The following ZFC3H1 variants were observed in gnomAD, a reference collection of about 807,000 sequenced individuals.
ZFC3H1 encodes zinc finger C3H1-type containing, also known as zinc finger C3H1 domain-containing protein.
ZFC3H1 carries 71 observed loss-of-function variants against 243.7 expected under a neutral mutation model. That is an observed-to-expected ratio of 0.29 (90% CI 0.24 to 0.36). The LOEUF is 0.36. Among genes scored for constraint, ZFC3H1 ranks in the 10% least tolerant of loss-of-function variants. The pLI is 1.00. For synonymous variants in ZFC3H1, 838 were observed against 813.0 expected (o/e 1.03, Z -0.52); for missense variants, 1,966 against 2,317.1 (o/e 0.85, Z 3.11).
Position 71,633,011 on chromosome 12 carries a change from T to C in ZFC3H1, c.2692A>G (p.Arg898Gly). ...TTAATTGTAACACGCTGTTGAACTC[T>C]GTGAATCTGAAAAATATAGAATAAT... ...FLKKLQEQIH[R>G]VQQRVTIKKA... Residue 898 changes from arginine to glycine, a missense_variant, in exon 14 of 35, where the codon AGA becomes GGA. Around this residue, in one of 4 missense-constraint regions of ZFC3H1, gnomAD observed 1,383 missense variants for 1,723.7 expected, o/e 0.80. Coordinates refer to ENST00000378743, the MANE Select transcript of ZFC3H1 (RefSeq NM_144982.5). The C allele has an allele frequency of 6.3e-7, 1 of 1,594,018 alleles. No homozygotes were observed. Among genetic ancestry groups the C allele is most frequent in the Non-Finnish European group, 8.5e-7 (1 of 1,174,840 alleles).
chr12:71,625,892 T>G (rs934612604), intron 22 of ZFC3H1, among the ~76,000 whole-genome samples: 1 of 152,216 alleles, frequency 6.6e-6, no homozygotes, highest in African/African-American at 2.4e-5. Flanking sequence ...AGAGGCAATT[T>G]AAGATAAATT....
Position 71,656,913 on chromosome 12 carries a change from C to T in ZFC3H1, c.987G>A (p.Leu329=), listed in dbSNP as rs754511435. The change falls in exon 2 of 35, where the codon CTG becomes CTA. Residue 329 remains leucine (L), a synonymous_variant. Transcript: ENST00000378743. ...KVKDGAKPLS[L]KSDTTDSSQG... ...GACTAGAATCAGTAGTGTCGGATTT[C>T]AGGGAAAGTGGTTTTGCTCCATCTT... 1 of 1,612,602 alleles carries T rather than the reference C, an allele frequency of 6.2e-7. No individual in the cohort carries two copies. The highest frequency in any genetic ancestry group is 8.5e-7 in the Non-Finnish European group (1 of 1,179,520).
chr12:71,614,383 G>T, intron 30 of ZFC3H1, 152 bp downstream of exon 30: 1 of 650,206 alleles, frequency 1.5e-6, no homozygotes, highest in Non-Finnish European at 2.3e-6. Flanking sequence ...ACTCTGAATA[G>T]ATAAATAAGA....
At chr12:71,623,623 T>C in intron 23 of ZFC3H1, 26 bp from the exon 24 acceptor site, 1 of 1,533,880 alleles carries the variant, frequency 6.5e-7, no homozygotes, top group Non-Finnish European at 8.8e-7. Flanking sequence ...AATTTTTTGA[T>C]AAAAAAATTA....
At chr12:71,653,014 A>G (rs1175862538) in intron 2 of ZFC3H1, among the ~76,000 whole-genome samples, 1 of 152,184 alleles carries the variant, frequency 6.6e-6, no homozygotes, top group African/African-American at 2.4e-5. Context: ...TCAAGAAAAG[A>G]AAGTACCAAA....
At chr12:71,619,238 T>C (rs149939983) in intron 27 of ZFC3H1, 77 bp downstream of exon 27, 1 of 1,337,620 alleles carries the variant, frequency 7.5e-7, no homozygotes, top group East Asian at 2.4e-5. Context: ...TGTCATCATA[T>C]AAGAAAAAAA....
rs974129243 is a variant in ZFC3H1 at position 71,663,175 on chromosome 12, A to G, written c.436T>C (p.Phe146Leu). The G allele has an allele frequency of 1.2e-6, 2 of 1,614,094 alleles. No individual in the cohort carries two copies. The highest frequency in any genetic ancestry group is 2.7e-5 in the African/African-American group (2 of 75,032). ...RSHLALDRFR[F>L]RGRPYRGGSR... ...CCACCCCGGTAAGGCCTGCCTCGAAAGCGGAAACGGTCCAAGGCGAGGTGG... is the reference window on the plus strand; with the variant it reads ...CCACCCCGGTAAGGCCTGCCTCGAAGGCGGAAACGGTCCAAGGCGAGGTGG... The change falls in exon 1 of 35, where the codon TTT becomes CTT. Residue 146 changes from phenylalanine (F) to leucine (L), a missense_variant. Physicochemically the swap from Phe to Leu is conservative, Grantham distance 22. Around this residue, in one of 4 missense-constraint regions of ZFC3H1, gnomAD observed 484 missense variants for 449.7 expected, o/e 1.08. Transcript: ENST00000378743.
At chr12:71,634,391 A>C in intron 11 of ZFC3H1, 87 bp from the exon 12 acceptor site, 2 of 1,402,898 alleles carry the variant, frequency 1.4e-6, no homozygotes. Flanking sequence ...TGCAGTAACA[A>C]TATTAATCAC....
intron 27 of ZFC3H1, among the ~76,000 whole-genome samples, chr12:71,617,651 T>C (rs540470410): frequency 4.6e-4 from 70 of 152,338 alleles, no homozygotes; most frequent in African/African-American, 1.7e-3. Flanking sequence ...AGCCTTGAAT[T>C]AGCCCTTTGC....
intron 7 of ZFC3H1, 76 bp from the exon 8 acceptor site, chr12:71,637,135 C>A: frequency 8.0e-7 from 1 of 1,245,958 alleles, no homozygotes; most frequent in Non-Finnish European, 1.1e-6. Context: ...CAATATTAAA[C>A]TAGAAAAAAA....
rs765422160 is a variant in ZFC3H1 at position 71,627,753 on chromosome 12, C to T, written c.4128G>A (p.Glu1376=). The T allele has an allele frequency of 1.2e-6, 2 of 1,607,684 alleles. No homozygotes were observed. Among genetic ancestry groups the T allele is most frequent in the Middle Eastern group, 1.7e-4 (1 of 6,048 alleles). ...KLAYKYLNQN[E]GECSESLDSA... ...ACAAAGATTTGAAGTTGACCTACCC[C>T]TCATTTTGATTCAAGTACTTGTACG... Residue 1376 remains glutamate, a splice_region_variant and synonymous_variant, in exon 21 of 35, where the codon GAG becomes GAA. Transcript: ENST00000378743.
Position 71,636,507 on chromosome 12 carries a change from G to C in ZFC3H1, c.2083C>G (p.Pro695Ala), listed in dbSNP as rs376362905. The part of the protein sequence containing the change: ...NPKFHRGPRL[P>A]RTVISLPKHK... ...GTTTTTACCGAGATCACAGTTCGTG[G>C]AAGACGGGGTCCTCTGTGAAACTTT... is the stretch of plus-strand genomic sequence containing the variant. Residue 695 changes from proline (P) to alanine (A), a missense_variant, in exon 9 of 35, where the codon CCA (proline) becomes GCA (alanine). Around this residue, in one of 4 missense-constraint regions of ZFC3H1, gnomAD observed 1,383 missense variants for 1,723.7 expected, o/e 0.80. Transcript: ENST00000378743. The C allele has an allele frequency of 3.7e-6, 6 of 1,604,474 alleles. No individual in the cohort carries two copies. In the African/African-American group the frequency reaches 8.1e-5, roughly 22 times the overall value.
At chr12:71,659,552 G>C (rs1380784283) in intron 1 of ZFC3H1, among the ~76,000 whole-genome samples, 1 of 151,026 alleles carries the variant, frequency 6.6e-6, no homozygotes, top group South Asian at 2.1e-4. Context: ...CTTTTCACTG[G>C]AGCCATTTAA....
intron 1 of ZFC3H1, among the ~76,000 whole-genome samples, chr12:71,662,326 G>A (rs1337132372): frequency 6.6e-6 from 1 of 152,156 alleles, no homozygotes; most frequent in Non-Finnish European, 1.5e-5. Flanking sequence ...ATGCTGATAA[G>A]TTTATCTTTC....
intron 10 of ZFC3H1, among the ~76,000 whole-genome samples, chr12:71,635,027 A>G (rs1182285260): frequency 6.6e-6 from 1 of 152,144 alleles, no homozygotes; most frequent in Non-Finnish European, 1.5e-5. Flanking sequence ...GTGAAGATCT[A>G]CAGTCTGAAA....
intron 3 of ZFC3H1, among the ~76,000 whole-genome samples, chr12:71,647,393 T>A (rs1383367188): frequency 1.3e-5 from 2 of 152,056 alleles, no homozygotes; most frequent in African/African-American, 4.8e-5. Flanking sequence ...GGAGGTAGAA[T>A]TTGACACCAG....
At chr12:71,655,193 G>A (rs946735903) in intron 2 of ZFC3H1, among the ~76,000 whole-genome samples, 21 of 152,104 alleles carry the variant, frequency 1.4e-4, no homozygotes, top group African/African-American at 4.3e-4. Context: ...TATTTCAAAA[G>A]ATTGGTTATC....
At position 71,613,371 on chromosome 12, in the gene ZFC3H1, C is replaced by T; in HGVS notation, c.5591G>A (p.Cys1864Tyr). The T allele has an allele frequency of 6.2e-7, 1 of 1,610,346 alleles. No homozygotes were observed. The change falls in exon 31 of 35, where the codon TGT becomes TAT. Residue 1864 changes from cysteine (C) to tyrosine (Y), a missense_variant. Physicochemically the swap from Cys to Tyr is radical, Grantham distance 194 (BLOSUM62 -2). Coordinates refer to ENST00000378743, the MANE Select transcript of ZFC3H1 (RefSeq NM_144982.5). ...TQHSKTLERF[C>Y]SVMPANSGLA... ...TCCAGAATTAGCTGGCATAACTGAA[C>T]AAAACCGTTCCAAGGTTTTGGAATG...
Position 71,647,821 on chromosome 12 carries a change from A to T in ZFC3H1, c.1016-8T>A. 8.9e-7 allele frequency: 1 copy of T among 1,120,966 alleles called. No individual in the cohort carries two copies. Among genetic ancestry groups the T allele is most frequent in the Non-Finnish European group, 1.3e-6 (1 of 778,204 alleles). 69.4% of individuals were successfully genotyped at this position (1,120,966 alleles called of 1,614,324 possible). On this transcript the variant is annotated splice_region_variant and splice_polypyrimidine_tract_variant and intron_variant, in intron 2 of 34. Transcript: ENST00000378743. ...GTTCTTTATCTTGTAATCCTTTAAA[A>T]TAAAATAATATCTTTTGAATAATCC...
Sources: gnomAD v4.1 joint callset for allele counts (sites outside exome capture counted in the v4.1 genomes callset) on GRCh38, gnomAD v4.1.1 for gene constraint, gnomAD v4.1.1 regional missense constraint, MANE v1.5 for transcripts, NCBI Gene and HGNC (gene_info 2026-07-23, HGNC 2026-07-21) for gene names.